HSD17B12: variants seen among roughly 807,000 people sequenced by gnomAD.
HSD17B12 encodes hydroxysteroid 17-beta dehydrogenase 12, also known as very-long-chain 3-oxoacyl-CoA reductase.
In HSD17B12, 32 loss-of-function variants were observed where a neutral mutation model predicts 39.3. The ratio of observed to expected loss-of-function variants is 0.81; its 90% CI spans 0.61 to 1.09. The LOEUF (loss-of-function observed/expected upper bound fraction) is 1.09. HSD17B12 is among the 50% of genes least tolerant of loss of function. The pLI is 0.00. For synonymous variants in HSD17B12, 150 were observed against 146.7 expected (o/e 1.02, Z -0.16); for missense variants, 342 against 382.9 (o/e 0.89, Z 0.89).
the HSD17B12 span, among the ~76,000 whole-genome samples, chr11:43,661,378 TGTG>T: frequency 6.6e-6 from 1 of 152,208 alleles, no homozygotes; most frequent in Non-Finnish European, 1.5e-5. Context: ...ATATCTTGAT[TGTG>T]GTGACTACAC....
chr11:43,665,979 AAGG>A, the HSD17B12 span, among the ~76,000 whole-genome samples: 2 of 152,232 alleles, frequency 1.3e-5, no homozygotes, highest in African/African-American at 4.8e-5. Context: ...ATTGTACGCC[AAGG>A]ATATTTTATG....
intron 1 of HSD17B12, among the ~76,000 whole-genome samples, chr11:43,701,220 A>C (rs1312295316): frequency 1.3e-5 from 2 of 151,972 alleles, no homozygotes. Flanking sequence ...TAGGCTCCTT[A>C]TATATTCTGG....
chr11:43,789,596 C>A (rs1000587826), intron 3 of HSD17B12, among the ~76,000 whole-genome samples: 1 of 152,132 alleles, frequency 6.6e-6, no homozygotes, highest in Non-Finnish European at 1.5e-5. Context: ...ATATTATGAT[C>A]CCTAGAGTAC....
At chr11:43,775,615 T>A (rs1466291888) in intron 3 of HSD17B12, among the ~76,000 whole-genome samples, 2 of 152,096 alleles carry the variant, frequency 1.3e-5, no homozygotes, top group South Asian at 4.1e-4. Flanking sequence ...TTATTTATTT[T>A]TTATTATTAT....
the HSD17B12 span, among the ~76,000 whole-genome samples, chr11:43,667,745 G>A: frequency 6.6e-6 from 1 of 152,138 alleles, no homozygotes; most frequent in South Asian, 2.1e-4. Flanking sequence ...CAAAGTTTGT[G>A]TTAAGCACTA....
intron 4 of HSD17B12, among the ~76,000 whole-genome samples, chr11:43,814,992 A>G (rs574242288): frequency 1.3e-5 from 2 of 152,308 alleles, no homozygotes; most frequent in South Asian, 4.1e-4. Flanking sequence ...ATTGTACATG[A>G]CTTATCCCAA....
chr11:43,681,201 C>T, intron 1 of HSD17B12: 4 of 1,303,674 alleles, frequency 3.1e-6, no homozygotes, highest in Non-Finnish European at 3.9e-6. Context: ...ATACACTGCT[C>T]GCTCAATCCT....
chr11:43,747,782 A>T (rs1054437799), intron 1 of HSD17B12, among the ~76,000 whole-genome samples: 2 of 152,178 alleles, frequency 1.3e-5, no homozygotes, highest in African/African-American at 4.8e-5. Flanking sequence ...TTTGCCCTGA[A>T]CGTCTGCTTC....
intron 4 of HSD17B12, among the ~76,000 whole-genome samples, chr11:43,815,120 G>A (rs1162284379): frequency 6.6e-6 from 1 of 152,106 alleles, no homozygotes; most frequent in African/African-American, 2.4e-5. Flanking sequence ...GAAGAGTTAA[G>A]TAATATCTCC....
rs578003392 is a variant in HSD17B12 at position 43,721,226 on chromosome 11, T to TG, written c.161-29681dup. 6.6e-5 allele frequency among the ~76,000 whole-genome samples: 10 copies of TG among 151,762 alleles called. No homozygotes were observed. The East Asian group carries it at 9.7e-4, about 15-fold the overall frequency. On this transcript the variant is annotated intron_variant, in intron 1 of 10. Transcript: ENST00000278353. ...AGAAAGTAACTAGTAAATAGGTAGT[T>TG]GGGGTGGGGATATTTTAGATAGGGT...
intron 1 of HSD17B12, among the ~76,000 whole-genome samples, chr11:43,741,243 TG>T (rs1950361726): frequency 6.6e-6 from 1 of 152,226 alleles, no homozygotes; most frequent in Non-Finnish European, 1.5e-5. Flanking sequence ...TAATTGAAAC[TG>T]ATGGTCCTTT....
At chr11:43,575,844 A>T in the HSD17B12 span, among the ~76,000 whole-genome samples, 120 of 152,312 alleles carry the variant, frequency 7.9e-4, 3 homozygotes, top group East Asian at 0.021. The surrounding 1 kb of genome is among the most constrained non-coding windows in gnomAD (Gnocchi z 4.1). Context: ...AGAACGCAAA[A>T]CACACACACA....
intron 9 of HSD17B12, among the ~76,000 whole-genome samples, chr11:43,844,321 A>C (rs766905229): frequency 1.5e-4 from 23 of 152,300 alleles, no homozygotes; most frequent in South Asian, 1.2e-3. Context: ...TAATTTTATA[A>C]GATCATTTAA....
chr11:43,725,119 T>G lies in HSD17B12; in HGVS notation c.161-25792T>G, dbSNP rs529036724. Among the ~76,000 whole-genome samples, 11 of 152,294 alleles carry G rather than the reference T, an allele frequency of 7.2e-5. No individual in the cohort carries two copies. In the East Asian group the frequency reaches 2.1e-3, roughly 29 times the overall value. ...TAAGAGGAAAATACTTCTATGTATA[T>G]TTCACAGACATGGCAGTACAGCATA... On this transcript the variant is annotated intron_variant, in intron 1 of 10. Coordinates refer to ENST00000278353, the MANE Select transcript of HSD17B12 (RefSeq NM_016142.3).
At chr11:43,757,652 A>AAAC (rs1950520387) in intron 3 of HSD17B12, among the ~76,000 whole-genome samples, 1 of 142,196 alleles carries the variant, frequency 7.0e-6, no homozygotes, top group African/African-American at 2.6e-5. Flanking sequence ...AAAAAAAAAA[A>AAAC]AAAAAAAAAA....
At chr11:43,709,347 A>G (rs1394859910) in intron 1 of HSD17B12, among the ~76,000 whole-genome samples, 2 of 152,330 alleles carry the variant, frequency 1.3e-5, no homozygotes, top group African/African-American at 2.4e-5. Context: ...GCTGGTTGCA[A>G]ACTCCTGACC....
intron 4 of HSD17B12, among the ~76,000 whole-genome samples, chr11:43,799,848 C>T (rs1950949639): frequency 6.6e-6 from 1 of 152,138 alleles, no homozygotes; most frequent in Non-Finnish European, 1.5e-5. Flanking sequence ...CTGCATAGTA[C>T]TGTTGCACCT....
In HSD17B12 at chr11:43,825,783, C is replaced by T. The variant is rs1009513752; in HGVS notation, c.502-5193C>T. Reference sequence around the variant, plus strand: ...ACTACAAAATGATGGTTTTGCCAAACGGCATGATAACCACTCTGCATTGTT... The same window carrying T: ...ACTACAAAATGATGGTTTTGCCAAATGGCATGATAACCACTCTGCATTGTT... On this transcript the variant is annotated intron_variant, in intron 6 of 10. Transcript: ENST00000278353. Among the ~76,000 whole-genome samples the T allele has an allele frequency of 6.6e-5, 10 of 152,200 alleles. No homozygotes were observed. The South Asian group carries it at 8.3e-4, about 13-fold the overall frequency.
At chr11:43,709,756 A>G (rs548366019) in intron 1 of HSD17B12, among the ~76,000 whole-genome samples, 7 of 152,338 alleles carry the variant, frequency 4.6e-5, no homozygotes, top group East Asian at 1.9e-4. Flanking sequence ...TCAGAAAACT[A>G]TGAATTGACT....
Sources: allele counts gnomAD v4.1 joint callset (sites outside exome capture counted in the v4.1 genomes callset), GRCh38; gene constraint gnomAD v4.1.1; non-coding constraint Gnocchi (gnomAD v3.1); transcripts MANE v1.5; gene names NCBI Gene and HGNC (gene_info 2026-07-23, HGNC 2026-07-21).